PSCA: variants seen among roughly 807,000 people sequenced by gnomAD.
PSCA encodes prostate stem cell antigen.
Under a neutral mutation model 7.9 loss-of-function variants are expected in PSCA, and 7 were observed. That is an observed-to-expected ratio of 0.89 (90% CI 0.51 to 1.67). The LOEUF is 1.67. Ranked by LOEUF, PSCA falls within the 40% of genes most tolerant of loss-of-function variation. The probability of loss-of-function intolerance (pLI) is 0.00; values close to 1 mark genes in which losing one functional copy is unlikely to be tolerated. For missense variants in PSCA, 151 were observed against 147.9 expected (o/e 1.02, Z -0.11); for synonymous variants, 61 against 68.3 (o/e 0.89, Z 0.53).
chr8:142,681,508 G>A (rs781822092), intron 2 of PSCA, 74 bp downstream of exon 2: 62 of 1,348,066 alleles, frequency 4.6e-5, no homozygotes, highest in African/African-American at 3.8e-4. Context: ...CCATCTGTCC[G>A]CATCTGTGTG....
Position 142,681,410 on chromosome 8 carries a change from G to T in PSCA, c.109G>T (p.Glu37Ter), listed in dbSNP as rs782519351. 2 of 1,592,814 alleles carry T rather than the reference G, an allele frequency of 1.3e-6. No individual in the cohort carries two copies. The highest frequency in any genetic ancestry group is 2.7e-5 in the African/African-American group (2 of 74,476). The stretch of plus-strand genomic sequence containing the variant: ...GGTGGAGAACTGCACCCAGCTGGGG[G>T]AGCAGTGCTGGACCGCGCGCATCCG... ...LQVENCTQLG[E>*]QCWTARIRAV... is the part of the protein sequence containing the mutation. Residue 37 changes from glutamate to a stop codon, truncating the protein, a stop_gained, in exon 2 of 3, where the codon GAG becomes TAG. Transcript: ENST00000301258. LOFTEE classifies it low-confidence loss of function (END_TRUNC).
chr8:142,673,726 G>A lies in PSCA; in HGVS notation n.261+3158G>A, dbSNP rs1847362653. Among the ~76,000 whole-genome samples, 1 of 152,234 alleles carries A rather than the reference G, an allele frequency of 6.6e-6. No homozygotes were observed. On this transcript the variant is annotated intron_variant and non_coding_transcript_variant, in intron 1 of 1. Coordinates refer to the PSCA transcript ENST00000505305. The surrounding 1 kb of genome is among the most constrained non-coding windows in gnomAD (Gnocchi z 4.6). ...TCCTGTGCACTGAGTTTGCGTCCAGGTGGGGCCACAGGACCGGCTGCGGGG... is the reference window on the plus strand; with the variant it reads ...TCCTGTGCACTGAGTTTGCGTCCAGATGGGGCCACAGGACCGGCTGCGGGG...
chr8:142,671,997 G>A (rs755006152), intron 1 of PSCA, among the ~76,000 whole-genome samples: 1 of 152,174 alleles, frequency 6.6e-6, no homozygotes, highest in Non-Finnish European at 1.5e-5. Context: ...GTGTCATGCC[G>A]TTAAATACCA....
rs1408282331 is a variant in PSCA at position 142,682,659 on chromosome 8, G to A, written c.*527G>A. 6 of 346,806 alleles carry A rather than the reference G, an allele frequency of 1.7e-5. No homozygotes were observed. The highest frequency in any genetic ancestry group is 4.4e-5 in the South Asian group (2 of 45,152). The allele number at this position is 346,806 out of a possible 1,614,324, so 21.5% of individuals were successfully genotyped here. On this transcript the variant is annotated 3_prime_UTR_variant, in exon 3 of 3. Coordinates refer to ENST00000301258, the MANE Select transcript of PSCA (RefSeq NM_005672.5). ...GAGGAAGGGGCCAGGCCTCACATTC[G>A]TGGGGCTCCCTGAATGGCAGCCTCA... is the stretch of plus-strand genomic sequence containing the variant.
rs1029856730 is a variant in PSCA, at chr8:142,682,217, G to A, written c.*85G>A. The A allele has an allele frequency of 3.4e-6, 5 of 1,451,344 alleles. No homozygotes were observed. In the East Asian group the frequency reaches 9.8e-5, roughly 28 times the overall value. 89.9% of individuals were successfully genotyped at this position (1,451,344 alleles called of 1,614,324 possible). A position where few individuals can be genotyped will look rare whatever the true frequency, so the allele number is the denominator to read the frequency against. ...TCCTCACACACCCGGCCCAGTGGGA[G>A]CCTGTCCTGGTTCCTGAGGCACATC... On this transcript the variant is annotated 3_prime_UTR_variant, in exon 3 of 3. Transcript: ENST00000301258.
exon 1 of PSCA, chr8:142,670,567 A>C (rs923529600): frequency 6.6e-6 from 1 of 152,212 alleles, no homozygotes; most frequent in Non-Finnish European, 1.5e-5. Flanking sequence ...GGTGCGACTT[A>C]AGTGAGTATG....
chr8:142,679,523 A>G (rs1200550903), upstream of PSCA, among the ~76,000 whole-genome samples: 1 of 152,242 alleles, frequency 6.6e-6, no homozygotes, highest in Non-Finnish European at 1.5e-5. Flanking sequence ...ACATGTGCCC[A>G]AGGTGGTCAG....
chr8:142,675,318 C>T (rs1554637734), intron 1 of PSCA, among the ~76,000 whole-genome samples: 1 of 152,164 alleles, frequency 6.6e-6, no homozygotes, highest in African/African-American at 2.4e-5. Context: ...CCCATCTCCA[C>T]CTTAGTGCCC....
upstream of PSCA, among the ~76,000 whole-genome samples, chr8:142,675,473 AG>A (rs201666438): frequency 1.3e-5 from 2 of 150,656 alleles, no homozygotes; most frequent in Admixed American, 6.6e-5. Context: ...GGCTTGGGGA[AG>A]AACGCCTCTG....
upstream of PSCA, among the ~76,000 whole-genome samples, chr8:142,678,320 A>G (rs1344240772): frequency 1.3e-5 from 2 of 152,144 alleles, no homozygotes; most frequent in Admixed American, 1.3e-4. Context: ...CTCCCTCCAG[A>G]CACACACTCG....
chr8:142,676,824 C>G (rs922271778), upstream of PSCA, among the ~76,000 whole-genome samples: 1 of 152,208 alleles, frequency 6.6e-6, no homozygotes, highest in Non-Finnish European at 1.5e-5. Flanking sequence ...GTTTTATTAT[C>G]ACTCACATCA....
At position 142,682,534 on chromosome 8, in the gene PSCA, G is replaced by A. The variant is rs782362831; in HGVS notation, c.*402G>A. 6.4e-5 allele frequency: 30 copies of A among 467,100 alleles called. No individual in the cohort carries two copies. The highest frequency in any genetic ancestry group is 5.0e-4 in the South Asian group (30 of 60,144). 28.9% of individuals were successfully genotyped at this position (467,100 alleles called of 1,614,324 possible). Reference sequence around the variant, plus strand: ...CCCAGCAGGGGACAGGCACTCAGGAGGGCCCGGTAAAGGCTGAGATGAAGT... The same window carrying A: ...CCCAGCAGGGGACAGGCACTCAGGAAGGCCCGGTAAAGGCTGAGATGAAGT... On this transcript the variant is annotated 3_prime_UTR_variant, in exon 3 of 3. Transcript: ENST00000301258.
Position 142,680,549 on chromosome 8 carries a change from T to C in PSCA, c.11T>C (p.Leu4Ser). MAG[L>S]ALQPGTALLC... ...CTGCTTGCCCTGTTGATGGCAGGCT[T>C]GGCCCTGCAGCCAGGTGAGGCCTTG... The change falls in exon 1 of 3, where the codon TTG becomes TCG. Residue 4 changes from leucine (L) to serine (S), a missense_variant. Coordinates refer to ENST00000301258, the MANE Select transcript of PSCA (RefSeq NM_005672.5). 1 of 1,554,330 alleles carries C rather than the reference T, an allele frequency of 6.4e-7. No homozygotes were observed. Among genetic ancestry groups the C allele is most frequent in the East Asian group, 2.4e-5 (1 of 41,276 alleles).
chr8:142,680,327 G>C (rs1847446756), upstream of PSCA: 1 of 607,606 alleles, frequency 1.6e-6, no homozygotes, highest in Non-Finnish European at 3.0e-6. Context: ...TCCAGAGGTG[G>C]AAAGAAGGAC....
At position 142,682,282 on chromosome 8, in the gene PSCA, C is replaced by A; in HGVS notation, c.*150C>A. ...ACCATGTATGTCTGCGCCCCTGTCC[C>A]CCACCCTGACCCTCCCATGGCCCTC... On this transcript the variant is annotated 3_prime_UTR_variant, in exon 3 of 3. Coordinates refer to ENST00000301258, the MANE Select transcript of PSCA (RefSeq NM_005672.5). The A allele has an allele frequency of 1.1e-6, 1 of 943,274 alleles. No homozygotes were observed. Among genetic ancestry groups the A allele is most frequent in the Non-Finnish European group, 1.7e-6 (1 of 605,612 alleles). The allele number at this position is 943,274 out of a possible 1,614,324, so 58.4% of individuals were successfully genotyped here.
At chr8:142,680,687 G>A (rs1587546866) in intron 1 of PSCA, 124 bp downstream of exon 1, 3 of 1,298,412 alleles carry the variant, frequency 2.3e-6, no homozygotes, top group Non-Finnish European at 3.2e-6. Flanking sequence ...AGGGGGTGAG[G>A]CTCTTGCCCT....
chr8:142,678,185 C>T (rs1386663841), upstream of PSCA, among the ~76,000 whole-genome samples: 2 of 152,166 alleles, frequency 1.3e-5, no homozygotes, highest in Non-Finnish European at 2.9e-5. Flanking sequence ...CTGACTGCAA[C>T]ATCCTCACCA....
At chr8:142,675,746 C>T (rs1847393570), upstream of PSCA, among the ~76,000 whole-genome samples, 1 of 152,194 alleles carries the variant, frequency 6.6e-6, no homozygotes, top group South Asian at 2.1e-4. Context: ...CACACACACA[C>T]AGCTTGCAAG....
chr8:142,672,185 A>G (rs1035389112), intron 1 of PSCA, among the ~76,000 whole-genome samples: 2 of 152,118 alleles, frequency 1.3e-5, no homozygotes, highest in African/African-American at 4.8e-5. Context: ...ACTCAGGCTC[A>G]GCCTCAACAG....
Sources: gnomAD v4.1 joint callset for allele counts (sites outside exome capture counted in the v4.1 genomes callset) on GRCh38, gnomAD v4.1.1 for gene constraint, Gnocchi (gnomAD v3.1) non-coding constraint, MANE v1.5 for transcripts, NCBI Gene and HGNC (gene_info 2026-07-23, HGNC 2026-07-21) for gene names.